The following RWDD3 variants were observed in gnomAD, a reference collection of about 807,000 sequenced individuals.
The protein encoded by RWDD3 is RWD domain-containing protein 3.
A neutral mutation model predicts 26.5 loss-of-function variants in RWDD3; 30 were observed. That is an observed-to-expected ratio of 1.13 (90% CI 0.85 to 1.54). The LOEUF is 1.54. RWDD3 is among the 40% of genes most tolerant of loss of function. The probability of loss-of-function intolerance (pLI) is 0.00; values close to 1 mark genes in which losing one functional copy is unlikely to be tolerated. For missense variants in RWDD3, 296 were observed against 309.1 expected, an observed-to-expected ratio of 0.96 and a Z score of 0.32; for synonymous variants, 113 against 114.5, an observed-to-expected ratio of 0.99 and a Z score of 0.09.
intron 2 of RWDD3, among the ~76,000 whole-genome samples, chr1:95,245,742 T>C (rs1456522492): frequency 6.6e-6 from 1 of 152,136 alleles, no homozygotes; most frequent in Non-Finnish European, 1.5e-5. Flanking sequence ...TGACAAAAAA[T>C]AAATACAAAT....
chr1:95,234,333 G>T lies in RWDD3; in HGVS notation c.85+18G>T. 2 of 1,574,650 alleles carry T rather than the reference G, an allele frequency of 1.3e-6. No homozygotes were observed. Among genetic ancestry groups the T allele is most frequent in the Non-Finnish European group, 1.7e-6 (2 of 1,159,854 alleles). The stretch of plus-strand genomic sequence containing the variant: ...CCGCTCAGGTGACTACCCGCGCGCG[G>T]GAGGGACAGGGCGCCCTCAGGGGCC... On this transcript the variant is annotated intron_variant, in intron 1 of 3. Coordinates refer to ENST00000370202, the MANE Select transcript of RWDD3 (RefSeq NM_015485.5).
intron 1 of RWDD3, chr1:95,239,846 A>T: frequency 1.6e-6 from 2 of 1,289,806 alleles, no homozygotes; most frequent in South Asian, 2.5e-5. Context: ...TAGCTTTTCA[A>T]GACTTTCCCC....
Position 95,244,502 on chromosome 1 carries a change from A to G in RWDD3, c.377A>G (p.Lys126Arg), listed in dbSNP as rs1331534979. 1 of 1,614,186 alleles carries G rather than the reference A, an allele frequency of 6.2e-7. No individual in the cohort carries two copies. The highest frequency in any genetic ancestry group is 2.2e-5 in the East Asian group (1 of 44,876). ...SQPETGSGSE[K>R]CTFSTSTTMD... Reference sequence around the variant, plus strand: ...CCAGAAACTGGCAGTGGCAGTGAAAAGTGTACTTTTTCAACAAGCACGACC... The same window carrying G: ...CCAGAAACTGGCAGTGGCAGTGAAAGGTGTACTTTTTCAACAAGCACGACC... Residue 126 changes from lysine to arginine, a missense_variant, in exon 2 of 4, where the codon AAG becomes AGG. Transcript: ENST00000370202.
intron 1 of RWDD3, among the ~76,000 whole-genome samples, chr1:95,242,706 G>A (rs1680683099): frequency 6.6e-6 from 1 of 152,144 alleles, no homozygotes; most frequent in African/African-American, 2.4e-5. Flanking sequence ...TTCACCCGAG[G>A]TCAGGAGTTT....
intron 1 of RWDD3, among the ~76,000 whole-genome samples, chr1:95,235,310 C>T (rs1257106269): frequency 2.1e-5 from 3 of 144,354 alleles, no homozygotes; most frequent in South Asian, 2.2e-4. Flanking sequence ...CCTCGGCCTC[C>T]GAAAGTGCTG....
intron 1 of RWDD3, among the ~76,000 whole-genome samples, chr1:95,241,456 T>C (rs374540617): frequency 3.9e-5 from 6 of 152,310 alleles, no homozygotes; most frequent in African/African-American, 1.4e-4. Context: ...TCCGGTATTA[T>C]GAGGGAGCTG....
At chr1:95,239,540 T>G (rs560494678) in intron 1 of RWDD3, among the ~76,000 whole-genome samples, 29 of 152,346 alleles carry the variant, frequency 1.9e-4, no homozygotes, top group African/African-American at 5.0e-4. Flanking sequence ...GTTATTGGGC[T>G]TTTCAGTTTC....
chr1:95,234,352 A>C (rs1256239696), intron 1 of RWDD3, 37 bp downstream of exon 1: 37 of 1,550,092 alleles, frequency 2.4e-5, no homozygotes, highest in Non-Finnish European at 3.1e-5. Context: ...GGGCGCCCTC[A>C]GGGGCCACCC....
chr1:95,241,778 G>A (rs1315035484), intron 1 of RWDD3, among the ~76,000 whole-genome samples: 1 of 152,132 alleles, frequency 6.6e-6, no homozygotes, highest in African/African-American at 2.4e-5. Flanking sequence ...ATAAGCCGGT[G>A]AAGTTCACAT....
chr1:95,235,236 T>G (rs1204443168), intron 1 of RWDD3, among the ~76,000 whole-genome samples: 3 of 146,476 alleles, frequency 2.0e-5, no homozygotes, highest in Admixed American at 6.9e-5. Flanking sequence ...TTTTTTTTAG[T>G]AGAGACAGGG....
chr1:95,245,801 C>G (rs1266572130), intron 2 of RWDD3, among the ~76,000 whole-genome samples: 1 of 152,102 alleles, frequency 6.6e-6, no homozygotes, highest in Non-Finnish European at 1.5e-5. Context: ...TCTCTTTAAG[C>G]CAGCTCAGGA....
chr1:95,237,061 A>C (rs1457019016), intron 1 of RWDD3, among the ~76,000 whole-genome samples: 1 of 152,240 alleles, frequency 6.6e-6, no homozygotes, highest in Non-Finnish European at 1.5e-5. Flanking sequence ...TCAGTGTAAC[A>C]ACTTAGGACA....
At chr1:95,243,969 G>A (rs1183326876) in intron 1 of RWDD3, among the ~76,000 whole-genome samples, 1 of 152,198 alleles carries the variant, frequency 6.6e-6, no homozygotes. Context: ...TGGGGTGATA[G>A]CAAGTGTAAA....
intron 1 of RWDD3, among the ~76,000 whole-genome samples, chr1:95,236,591 T>C (rs181276433): frequency 6.6e-6 from 1 of 152,330 alleles, no homozygotes; most frequent in African/African-American, 2.4e-5. Context: ...GAAACAATTG[T>C]TTAAAATCCA....
intron 1 of RWDD3, among the ~76,000 whole-genome samples, chr1:95,235,156 C>T (rs1269522978): frequency 2.0e-5 from 3 of 150,214 alleles, no homozygotes; most frequent in Non-Finnish European, 4.4e-5. Flanking sequence ...ACGCCATTCT[C>T]CTGCCTCAGC....
chr1:95,244,984 G>T (rs1000770002), intron 2 of RWDD3: 1 of 320,932 alleles, frequency 3.1e-6, no homozygotes, highest in Non-Finnish European at 5.7e-6. Context: ...GTTTGTTTCT[G>T]TAATTAGCTA....
intron 2 of RWDD3, 102 bp from the exon 3 acceptor site, chr1:95,246,440 A>AT: frequency 1.6e-6 from 1 of 607,060 alleles, no homozygotes; most frequent in Admixed American, 3.0e-5. Flanking sequence ...AAAAGGGGGT[A>AT]TTTAAGCATG....
intron 1 of RWDD3, chr1:95,237,367 G>C (rs1178834301): frequency 6.6e-6 from 1 of 152,192 alleles, no homozygotes; most frequent in African/African-American, 2.4e-5. Context: ...TTTGCCACTG[G>C]AATCAGGAGA....
intron 1 of RWDD3, among the ~76,000 whole-genome samples, chr1:95,238,443 A>G (rs559425608): frequency 7.3e-4 from 110 of 150,632 alleles, no homozygotes; most frequent in African/African-American, 2.6e-3. Context: ...CTGAAGCTAC[A>G]TTGAAACTTA....
Sources: gnomAD v4.1 joint callset for allele counts (sites outside exome capture counted in the v4.1 genomes callset) on GRCh38, gnomAD v4.1.1 for gene constraint, MANE v1.5 for transcripts, NCBI Gene and HGNC (gene_info 2026-07-23, HGNC 2026-07-21) for gene names.